Variants in ME1 observed in about 807,000 individuals in gnomAD.
ME1 encodes NADP-dependent malic enzyme.
A neutral mutation model predicts 66.4 loss-of-function variants in ME1; 74 were observed. That is an observed-to-expected ratio of 1.11 (90% confidence interval 0.92 to 1.35). The LOEUF (loss-of-function observed/expected upper bound fraction) is 1.35, where lower values mean the gene tolerates loss of function less well. Among genes scored for constraint, ME1 ranks in the 40% most tolerant of loss-of-function variants. ME1 has a pLI of 0.00. For missense variants in ME1, 750 were observed against 694.1 expected, an observed-to-expected ratio of 1.08 and a Z score of -0.90; for synonymous variants, 251 against 235.6, an observed-to-expected ratio of 1.07 and a Z score of -0.60.
intron 9 of ME1, among the ~76,000 whole-genome samples, chr6:83,234,885 A>T (rs1204416809): frequency 3.3e-5 from 5 of 152,182 alleles, no homozygotes; most frequent in African/African-American, 1.2e-4. Flanking sequence ...TATTTTGTAC[A>T]TGCTGGTTCT....
At chr6:83,220,169 A>G (rs1790064233) in intron 12 of ME1, among the ~76,000 whole-genome samples, 1 of 152,230 alleles carries the variant, frequency 6.6e-6, no homozygotes, top group Admixed American at 6.5e-5. Flanking sequence ...AGACAGTCAC[A>G]GGATAGCTGA....
At chr6:83,247,746 C>T (rs548619717) in intron 7 of ME1, among the ~76,000 whole-genome samples, 6 of 152,070 alleles carry the variant, frequency 3.9e-5, no homozygotes, top group Non-Finnish European at 8.8e-5. Flanking sequence ...CATAAGGGCA[C>T]GATTTTGCAT....
intron 1 of ME1, among the ~76,000 whole-genome samples, chr6:83,427,077 T>C (rs900612577): frequency 6.6e-6 from 1 of 152,154 alleles, no homozygotes; most frequent in Non-Finnish European, 1.5e-5. Flanking sequence ...ACCATATCCC[T>C]GAAAATAAAA....
At chr6:83,263,305 C>A (rs988006631) in intron 6 of ME1, among the ~76,000 whole-genome samples, 1 of 152,120 alleles carries the variant, frequency 6.6e-6, no homozygotes, top group Non-Finnish European at 1.5e-5. Flanking sequence ...TTAACAACCC[C>A]ACAATAGCCT....
At chr6:83,428,926 A>T (rs1256914511) in intron 1 of ME1, among the ~76,000 whole-genome samples, 1 of 152,208 alleles carries the variant, frequency 6.6e-6, no homozygotes, top group Non-Finnish European at 1.5e-5. Context: ...ATTAATCCTT[A>T]ATTCCTAGTA....
At chr6:83,266,483 CTATTTA>C (rs1468629589) in intron 6 of ME1, among the ~76,000 whole-genome samples, 1 of 148,512 alleles carries the variant, frequency 6.7e-6, no homozygotes, top group Non-Finnish European at 1.5e-5. Context: ...TGAGTTATGT[CTATTTA>C]TAATTCCAAA....
chr6:83,354,596 A>C (rs534991834), intron 3 of ME1, among the ~76,000 whole-genome samples: 1 of 152,174 alleles, frequency 6.6e-6, no homozygotes, highest in Non-Finnish European at 1.5e-5. Flanking sequence ...GCCTTCTCTG[A>C]TAACAGTAGT....
chr6:83,416,568 T>C (rs976473559), intron 1 of ME1, among the ~76,000 whole-genome samples: 5 of 152,150 alleles, frequency 3.3e-5, no homozygotes, highest in African/African-American at 1.2e-4. Context: ...TTTCCTTCCA[T>C]TTTAAATGAA....
intron 6 of ME1, among the ~76,000 whole-genome samples, chr6:83,307,484 C>A (rs777921437): frequency 6.6e-6 from 1 of 152,020 alleles, no homozygotes; most frequent in Non-Finnish European, 1.5e-5. Flanking sequence ...CAGGTGGAAT[C>A]CCATATAATC....
intron 3 of ME1, chr6:83,392,845 T>C: frequency 2.6e-6 from 2 of 760,040 alleles, no homozygotes; most frequent in Non-Finnish European, 4.7e-6. Context: ...TGACAACAGC[T>C]CAAGATTATC....
At chr6:83,288,242 T>A (rs767433346) in intron 6 of ME1, among the ~76,000 whole-genome samples, 5 of 152,226 alleles carry the variant, frequency 3.3e-5, no homozygotes, top group Non-Finnish European at 5.9e-5. Context: ...GCCTATGTCC[T>A]GAATTGTATT....
intron 7 of ME1, among the ~76,000 whole-genome samples, chr6:83,249,078 T>G (rs974687152): frequency 6.6e-6 from 1 of 152,126 alleles, no homozygotes; most frequent in African/African-American, 2.4e-5. Context: ...ACAATGTAAT[T>G]AACATCACAA....
chr6:83,230,237 C>T (rs1366533299), intron 9 of ME1, among the ~76,000 whole-genome samples: 2 of 151,504 alleles, frequency 1.3e-5, no homozygotes, highest in Admixed American at 6.6e-5. Context: ...AGTGCAGTGG[C>T]GCGATCTCGG....
intron 6 of ME1, among the ~76,000 whole-genome samples, chr6:83,282,856 A>T (rs1346137963): frequency 1.3e-5 from 2 of 152,124 alleles, no homozygotes; most frequent in South Asian, 4.1e-4. Context: ...TATGGAACCA[A>T]CCCAAATGTC....
At chr6:83,386,730 A>C (rs151294887) in intron 3 of ME1, among the ~76,000 whole-genome samples, 3,893 of 151,850 alleles carry the variant, frequency 0.026, 74 homozygotes, top group Non-Finnish European at 0.036. Context: ...TGAAATCCTG[A>C]CCCCCAATAT....
At chr6:83,262,888 TA>T (rs1283557242) in intron 6 of ME1, among the ~76,000 whole-genome samples, 2 of 152,332 alleles carry the variant, frequency 1.3e-5, no homozygotes, top group Non-Finnish European at 2.9e-5. Flanking sequence ...TATTTTCAGG[TA>T]AGTTTATCAG....
intron 5 of ME1, among the ~76,000 whole-genome samples, chr6:83,342,637 GT>G (rs1339493967): frequency 6.6e-6 from 1 of 152,140 alleles, no homozygotes; most frequent in Non-Finnish European, 1.5e-5. Context: ...TGCATGGAAC[GT>G]GTAATGATCC....
intron 6 of ME1, among the ~76,000 whole-genome samples, chr6:83,304,679 A>G (rs1145908): frequency 0.35 from 53,374 of 152,080 alleles, 9,598 homozygotes; most frequent in Middle Eastern, 0.49. Context: ...AATAAAAAAC[A>G]TGGCACACTG....
intron 7 of ME1, among the ~76,000 whole-genome samples, chr6:83,243,130 A>T (rs1319578642): frequency 1.3e-5 from 2 of 150,952 alleles, no homozygotes; most frequent in East Asian, 3.9e-4. Context: ...GCTGGGTGTG[A>T]TGGTACATGC....
Sources: gnomAD v4.1 joint callset for allele counts (sites outside exome capture counted in the v4.1 genomes callset) on GRCh38, gnomAD v4.1.1 for gene constraint, MANE v1.5 for transcripts, NCBI Gene and HGNC (gene_info 2026-07-23, HGNC 2026-07-21) for gene names.